AGBL4: variants seen among roughly 807,000 people sequenced by gnomAD.
The protein encoded by AGBL4 is cytosolic carboxypeptidase 6.
AGBL4 carries 58 observed loss-of-function variants against 66.4 expected under a neutral mutation model. The ratio of observed to expected loss-of-function variants is 0.87; its 90% CI spans 0.71 to 1.09. The LOEUF is 1.09. Among genes scored for constraint, AGBL4 ranks in the 50% least tolerant of loss-of-function variants. The pLI, the probability that AGBL4 is intolerant of heterozygous loss-of-function variation, is 0.00. For missense variants in AGBL4, 579 were observed against 631.0 expected (o/e 0.92, Z 0.88); for synonymous variants, 234 against 222.9 (o/e 1.05, Z -0.44).
At chr1:48,846,120 G>A (rs891300351) in intron 6 of AGBL4, among the ~76,000 whole-genome samples, 1 of 152,056 alleles carries the variant, frequency 6.6e-6, no homozygotes, top group African/African-American at 2.4e-5. Flanking sequence ...CAACCTGGGA[G>A]CTATCATCAG....
At position 48,579,682 on chromosome 1, in the gene AGBL4, G is replaced by A. The variant is rs1418754946; in HGVS notation, c.1267+7322C>T. On this transcript the variant is annotated intron_variant, in intron 11 of 13. Transcript: ENST00000371839. ...TCCCAGCACTTTGGGAGGCTGAGGCGGATGGATCACGAGGTCAGGAGATCG... is the reference window on the plus strand; with the variant it reads ...TCCCAGCACTTTGGGAGGCTGAGGCAGATGGATCACGAGGTCAGGAGATCG... Among the ~76,000 whole-genome samples, 50 of 149,746 alleles carry A rather than the reference G, an allele frequency of 3.3e-4. 1 individual carries two copies. The highest frequency in any genetic ancestry group is 2.1e-4 in the South Asian group (1 of 4,668).
chr1:48,697,002 C>T (rs1213780864), intron 6 of AGBL4, among the ~76,000 whole-genome samples: 1 of 152,174 alleles, frequency 6.6e-6, no homozygotes, highest in Non-Finnish European at 1.5e-5. Flanking sequence ...CCCTCTATTG[C>T]CTACTGCATG....
At chr1:49,684,200 C>G (rs1443933899) in intron 3 of AGBL4, among the ~76,000 whole-genome samples, 1 of 152,062 alleles carries the variant, frequency 6.6e-6, no homozygotes, top group Non-Finnish European at 1.5e-5. Context: ...TCTGCCAAAG[C>G]AAGACTTAGA....
At chr1:49,263,620 T>C (rs1465859818) in intron 3 of AGBL4, among the ~76,000 whole-genome samples, 1 of 152,020 alleles carries the variant, frequency 6.6e-6, no homozygotes, top group Non-Finnish European at 1.5e-5. Context: ...AAAAAGTAAA[T>C]CTAATATCAA....
chr1:49,259,554 CAAAG>C (rs1652903063), intron 3 of AGBL4, among the ~76,000 whole-genome samples: 1 of 141,962 alleles, frequency 7.0e-6, no homozygotes, highest in Admixed American at 7.2e-5. Flanking sequence ...TCAAAAGAGA[CAAAG>C]AAGGCCATTA....
chr1:48,686,164 G>C (rs1366196492), intron 6 of AGBL4, among the ~76,000 whole-genome samples: 1 of 152,160 alleles, frequency 6.6e-6, no homozygotes, highest in African/African-American at 2.4e-5. Flanking sequence ...AGGATCTACT[G>C]GTCCTTCATA....
At chr1:48,828,339 C>T (rs1052866279) in intron 6 of AGBL4, among the ~76,000 whole-genome samples, 2 of 152,170 alleles carry the variant, frequency 1.3e-5, no homozygotes, top group Non-Finnish European at 2.9e-5. Flanking sequence ...ATTGCTCTAG[C>T]ACTTGCTGGA....
chr1:49,384,658 C>G (rs1158350307), intron 3 of AGBL4, among the ~76,000 whole-genome samples: 2 of 152,054 alleles, frequency 1.3e-5, no homozygotes. Context: ...GATGTTTACT[C>G]TCATTATCAC....
chr1:48,532,240 A>C (rs567400951), downstream of AGBL4, among the ~76,000 whole-genome samples: 90 of 152,330 alleles, frequency 5.9e-4, no homozygotes, highest in African/African-American at 2.1e-3. Context: ...TCCACACGTA[A>C]GTTCATTAAA....
intron 3 of AGBL4, among the ~76,000 whole-genome samples, chr1:49,362,449 C>CAAAAAAAAAAAAAAAAAAAAAAAAAAAAA: frequency 1.2e-5 from 1 of 80,914 alleles, no homozygotes; most frequent in Non-Finnish European, 2.3e-5. Context: ...GACCCTGTCT[C>CAAAAAAAAAAAAAAAAAAAAAAAAAAAAA]AAAAAAAAAA....
chr1:49,990,637 T>C (rs979367634), intron 1 of AGBL4, among the ~76,000 whole-genome samples: 1 of 152,188 alleles, frequency 6.6e-6, no homozygotes, highest in African/African-American at 2.4e-5. Flanking sequence ...ACAATCTTTA[T>C]AAAGCCCTAG....
chr1:49,491,484 A>C (rs1232820244), intron 3 of AGBL4, among the ~76,000 whole-genome samples: 4 of 151,908 alleles, frequency 2.6e-5, no homozygotes, highest in African/African-American at 9.7e-5. Flanking sequence ...ATTGACTTTG[A>C]AATGCCACAT....
At chr1:49,075,899 A>G (rs1337845386) in intron 4 of AGBL4, among the ~76,000 whole-genome samples, 2 of 152,204 alleles carry the variant, frequency 1.3e-5, no homozygotes, top group Non-Finnish European at 2.9e-5. Flanking sequence ...AGTAGATCTT[A>G]TATGCTCTTT....
chr1:49,667,475 A>G (rs1646393576), intron 3 of AGBL4, among the ~76,000 whole-genome samples: 1 of 152,188 alleles, frequency 6.6e-6, no homozygotes, highest in Admixed American at 6.6e-5. Context: ...AAAATAAAAA[A>G]GCATGTAGAT....
chr1:48,536,925 T>C (rs75788595), intron 12 of AGBL4, among the ~76,000 whole-genome samples: 1 of 152,166 alleles, frequency 6.6e-6, no homozygotes, highest in Non-Finnish European at 1.5e-5. Context: ...CTGCCCCTCC[T>C]GAGGGACCCT....
intron 1 of AGBL4, among the ~76,000 whole-genome samples, chr1:49,950,133 TATATAC>T (rs1557612345): frequency 7.0e-6 from 1 of 142,058 alleles, no homozygotes; most frequent in African/African-American, 2.6e-5. Flanking sequence ...TATGTGTATA[TATATAC>T]ACATATGTGT....
intron 4 of AGBL4, among the ~76,000 whole-genome samples, chr1:49,132,539 C>T (rs1390571195): frequency 1.3e-5 from 2 of 151,920 alleles, no homozygotes; most frequent in Admixed American, 1.3e-4. Flanking sequence ...TAAAAAGTGA[C>T]CAAGTTCTAT....
chr1:49,285,318 C>T (rs1322771852), intron 3 of AGBL4, among the ~76,000 whole-genome samples: 1 of 151,942 alleles, frequency 6.6e-6, no homozygotes, highest in Non-Finnish European at 1.5e-5. Flanking sequence ...TTCTTTGAAA[C>T]CAACGAGAAC....
At chr1:48,807,824 ATC>A (rs1161844948) in intron 6 of AGBL4, among the ~76,000 whole-genome samples, 1 of 137,910 alleles carries the variant, frequency 7.3e-6, no homozygotes, top group Non-Finnish European at 1.7e-5. Context: ...TTGTGAAAGG[ATC>A]TCTCCCTGTA....
Sources: allele counts gnomAD v4.1 joint callset (sites outside exome capture counted in the v4.1 genomes callset), GRCh38; gene constraint gnomAD v4.1.1; transcripts MANE v1.5; gene names NCBI Gene and HGNC (gene_info 2026-07-23, HGNC 2026-07-21).